The following MOB1B variants were observed in gnomAD, a reference collection of about 807,000 sequenced individuals.
MOB1B encodes MOB1 Mps One Binder homolog B.
MOB1B carries 19 observed loss-of-function variants against 24.4 expected under a neutral mutation model. The ratio of observed to expected loss-of-function variants is 0.78; its 90% CI spans 0.54 to 1.14. MOB1B has a LOEUF of 1.14. Among genes scored for constraint, MOB1B ranks in the 50% most tolerant of loss-of-function variants. The pLI, the probability that MOB1B is intolerant of heterozygous loss-of-function variation, is 0.00. For synonymous variants in MOB1B, 76 were observed against 82.1 expected (o/e 0.93, Z 0.40); for missense variants, 243 against 259.6 (o/e 0.94, Z 0.44).
chr4:70,921,489 C>CCCCTCCCCTG, intron 1 of MOB1B, among the ~76,000 whole-genome samples: 2 of 101,526 alleles, frequency 2.0e-5, no homozygotes, highest in African/African-American at 3.7e-5. Context: ...TCTCTCCCCT[C>CCCCTCCCCTG]CCCTCCCCTC....
intron 1 of MOB1B, among the ~76,000 whole-genome samples, chr4:70,952,653 A>G (rs576583606): frequency 6.6e-6 from 1 of 151,362 alleles, no homozygotes. Flanking sequence ...AAAAAAAAAA[A>G]AAAAAACAAA....
At chr4:70,950,007 C>T (rs1033491157) in intron 1 of MOB1B, among the ~76,000 whole-genome samples, 2 of 151,974 alleles carry the variant, frequency 1.3e-5, no homozygotes, top group Non-Finnish European at 2.9e-5. Flanking sequence ...ATTAATAACT[C>T]TCTTGGTATA....
At position 70,979,212 on chromosome 4, in the gene MOB1B, A is replaced by G; in HGVS notation, c.494A>G (p.Gln165Arg). The change falls in exon 5 of 6, where the codon CAG becomes CGG. Residue 165 changes from glutamine (Q) to arginine (R), a missense_variant. Gln to Arg is a conservative substitution (Grantham distance 43). Coordinates refer to ENST00000309395, the MANE Select transcript of MOB1B (RefSeq NM_173468.4). ...AGGGTTTATGCTCACATTTATCATCAGCATTTTGACCCTGTGATCCAGCTT... is the reference window on the plus strand; with the variant it reads ...AGGGTTTATGCTCACATTTATCATCGGCATTTTGACCCTGTGATCCAGCTT... ...LFRVYAHIYHQHFDPVIQLQE... is the reference protein window; with the variant it reads ...LFRVYAHIYHRHFDPVIQLQE... 1 of 1,613,770 alleles carries G rather than the reference A, an allele frequency of 6.2e-7. No homozygotes were observed. Among genetic ancestry groups the G allele is most frequent in the Non-Finnish European group, 8.5e-7 (1 of 1,179,728 alleles).
chr4:70,987,274 TTCTC>T lies in MOB1B; in HGVS notation c.*5219_*5222del, dbSNP rs996249518. On this transcript the variant is annotated 3_prime_UTR_variant, in exon 6 of 6. Coordinates refer to ENST00000309395, the MANE Select transcript of MOB1B (RefSeq NM_173468.4). ...CAAAGTTAAAATTTCAATATTTAAT[TTCTC>T]TATATATTATTAATATTAAATTGTT... 78 of 152,048 alleles carry T rather than the reference TTCTC, an allele frequency of 5.1e-4. No homozygotes were observed. The highest frequency in any genetic ancestry group is 1.7e-3 in the African/African-American group (71 of 41,564). The allele number at this position is 152,048 out of a possible 1,614,324, so 9.4% of individuals were successfully genotyped here. A position where few individuals can be genotyped will look rare whatever the true frequency, so the allele number is the denominator to read the frequency against.
At chr4:70,961,542 C>T (rs1302692871) in intron 2 of MOB1B, among the ~76,000 whole-genome samples, 2 of 152,192 alleles carry the variant, frequency 1.3e-5, no homozygotes, top group African/African-American at 4.8e-5. Flanking sequence ...GACTACTGTA[C>T]TACTGAAACG....
At position 70,955,833 on chromosome 4, in the gene MOB1B, A is replaced by C. The variant is rs529560424; in HGVS notation, c.15-3041A>C. On this transcript the variant is annotated intron_variant, in intron 1 of 5. Coordinates refer to ENST00000309395, the MANE Select transcript of MOB1B (RefSeq NM_173468.4). ...GAAAGAGGAAAATGAAGTAAGTTTC[A>C]AGCTTGGTAGGCATATGTCTATTTA... is the stretch of plus-strand genomic sequence containing the variant. Among the ~76,000 whole-genome samples, 219 of 152,062 alleles carry C rather than the reference A, an allele frequency of 1.4e-3. 1 individual carries two copies. The highest frequency in any genetic ancestry group is 2.1e-3 in the Non-Finnish European group (144 of 68,014).
chr4:70,935,675 T>C (rs1171023280), intron 1 of MOB1B, among the ~76,000 whole-genome samples: 2 of 151,750 alleles, frequency 1.3e-5, no homozygotes, highest in Non-Finnish European at 2.9e-5. Flanking sequence ...TTTTTTCTTT[T>C]GAGACAGGGT....
At chr4:70,938,089 C>T (rs1218239184) in intron 1 of MOB1B, among the ~76,000 whole-genome samples, 5 of 151,752 alleles carry the variant, frequency 3.3e-5, no homozygotes, top group Non-Finnish European at 7.4e-5. Context: ...GGTGTCGTCT[C>T]TCATGTTAGA....
At chr4:70,975,465 A>T (rs1738944722) in intron 4 of MOB1B, 179 bp downstream of exon 4, 2 of 1,332,198 alleles carry the variant, frequency 1.5e-6, no homozygotes, top group Middle Eastern at 5.6e-4. Flanking sequence ...GTGGTAAAAT[A>T]AGCAAGTGAT....
At chr4:70,935,661 T>C (rs1026788852) in intron 1 of MOB1B, among the ~76,000 whole-genome samples, 1 of 149,884 alleles carries the variant, frequency 6.7e-6, no homozygotes, top group South Asian at 2.1e-4. Context: ...ATTATACTCT[T>C]TTTTTTTTTC....
intron 2 of MOB1B, among the ~76,000 whole-genome samples, chr4:70,966,641 TG>T (rs1738543010): frequency 6.6e-6 from 1 of 152,108 alleles, no homozygotes; most frequent in Non-Finnish European, 1.5e-5. Context: ...CCCAAAGTGC[TG>T]GGATTACAGG....
chr4:70,919,691 G>A (rs1168985442), intron 1 of MOB1B, among the ~76,000 whole-genome samples: 4 of 152,160 alleles, frequency 2.6e-5, no homozygotes, highest in Non-Finnish European at 5.9e-5. Flanking sequence ...TAGAGACAGG[G>A]TTTCCCCATG....
intron 4 of MOB1B, among the ~76,000 whole-genome samples, chr4:70,978,015 A>G (rs904596872): frequency 2.6e-5 from 4 of 152,274 alleles, no homozygotes; most frequent in South Asian, 2.1e-4. Context: ...ATTTGTAACT[A>G]TGGTCCTCAT....
chr4:70,928,932 T>C (rs6826930), intron 1 of MOB1B, among the ~76,000 whole-genome samples: 6,898 of 152,100 alleles, frequency 0.045, 296 homozygotes, highest in African/African-American at 0.11. Flanking sequence ...AGACCTTCTT[T>C]ACAGGATTGT....
chr4:70,926,989 T>C (rs1736683679), intron 1 of MOB1B, among the ~76,000 whole-genome samples: 1 of 125,514 alleles, frequency 8.0e-6, no homozygotes. Context: ...AGAGCAAGAC[T>C]CCGTCTCAAA....
chr4:70,932,209 A>C (rs772885768), intron 1 of MOB1B, among the ~76,000 whole-genome samples: 5 of 151,980 alleles, frequency 3.3e-5, no homozygotes, highest in Non-Finnish European at 7.4e-5. Context: ...CTATATTTCT[A>C]TATATATAAT....
intron 1 of MOB1B, among the ~76,000 whole-genome samples, chr4:70,938,430 A>G (rs1000660905): frequency 1.4e-5 from 2 of 147,918 alleles, no homozygotes; most frequent in Non-Finnish European, 3.0e-5. Flanking sequence ...GGGTCTCGAC[A>G]TGATTATTCA....
intron 5 of MOB1B, among the ~76,000 whole-genome samples, chr4:70,980,020 G>A (rs529227798): frequency 2.0e-5 from 3 of 152,308 alleles, no homozygotes; most frequent in Middle Eastern, 3.4e-3. Flanking sequence ...GGTTGAGAAG[G>A]GGAGATGGTC....
chr4:70,903,944 A>G (rs1033695680), intron 1 of MOB1B, among the ~76,000 whole-genome samples: 3 of 141,472 alleles, frequency 2.1e-5, no homozygotes, highest in East Asian at 2.1e-4. Context: ...GGGTGATTTT[A>G]TAAAAAAGTC....
Sources: gnomAD v4.1 joint callset for allele counts (sites outside exome capture counted in the v4.1 genomes callset) on GRCh38, gnomAD v4.1.1 for gene constraint, MANE v1.5 for transcripts, NCBI Gene and HGNC (gene_info 2026-07-23, HGNC 2026-07-21) for gene names.